RACGAP1: variants seen among roughly 807,000 people sequenced by gnomAD.
RACGAP1 encodes Rac GTPase activating protein 1.
In RACGAP1, 30 loss-of-function variants were observed where a neutral mutation model predicts 78.1. The ratio of observed to expected loss-of-function variants is 0.38; its 90% CI spans 0.29 to 0.52. RACGAP1 has a LOEUF of 0.52. RACGAP1 is among the 20% of genes least tolerant of loss of function. The pLI, the probability that RACGAP1 is intolerant of heterozygous loss-of-function variation, is 0.82. For synonymous variants in RACGAP1, 231 were observed against 264.8 expected (o/e 0.87, Z 1.24); for missense variants, 587 against 777.1 (o/e 0.76, Z 2.91).
chr12:49,990,655 T>C, intron 16 of RACGAP1, 29 bp downstream of exon 16: 1 of 1,522,124 alleles, frequency 6.6e-7, no homozygotes. Context: ...AGTTGTTTTT[T>C]ATTTCCTAGG....
chr12:50,027,265 A>G (rs755859850), upstream of RACGAP1, among the ~76,000 whole-genome samples: 27 of 152,326 alleles, frequency 1.8e-4, no homozygotes, highest in Non-Finnish European at 3.8e-4. Context: ...GGTCAGGAGC[A>G]TTCATTGATT....
chr12:50,004,115 A>T (rs1948835394), intron 5 of RACGAP1, 120 bp downstream of exon 5: 1 of 1,379,288 alleles, frequency 7.3e-7, no homozygotes, highest in African/African-American at 1.4e-5. Context: ...CTCAGAATCT[A>T]TAACACATCA....
At chr12:50,031,646 C>T (rs972804874) in intron 2 of RACGAP1, 22 of 976,412 alleles carry the variant, frequency 2.3e-5, no homozygotes, top group South Asian at 4.8e-5. Flanking sequence ...CAGCACTCTC[C>T]GGAACTTCCC....
Position 50,008,312 on chromosome 12 carries a change from C to T in RACGAP1, c.86-1676G>A, listed in dbSNP as rs147203334. 2.7e-3 allele frequency among the ~76,000 whole-genome samples: 403 copies of T among 151,820 alleles called. 3 individuals carry two copies. The highest frequency in any genetic ancestry group is 4.9e-3 in the Non-Finnish European group (333 of 67,972). ...CTCCCAGGTTCAAGCAATTCTCCTG[C>T]CTCAGCCTCCTGAGTAGCTGGGATT... On this transcript the variant is annotated intron_variant, in intron 2 of 16. Transcript: ENST00000312377.
At chr12:49,998,085 A>G (rs1268589467) in intron 9 of RACGAP1, among the ~76,000 whole-genome samples, 2 of 152,188 alleles carry the variant, frequency 1.3e-5, no homozygotes, top group African/African-American at 4.8e-5. Context: ...GATAGTGGAA[A>G]GAACTTGTTT....
At position 50,017,750 on chromosome 12, in the gene RACGAP1, A is replaced by G. The variant is rs774407889; in HGVS notation, c.-4-1031T>C. On this transcript the variant is annotated intron_variant, in intron 1 of 16. Transcript: ENST00000312377. ...TCTAGTCCAGGTCCTTATTTCCTAA[A>G]TAAAATTTTAAGAACTCTTATGAAG... 1.4e-4 allele frequency among the ~76,000 whole-genome samples: 21 copies of G among 152,242 alleles called. 1 individual carries two copies. The highest frequency in any genetic ancestry group is 2.1e-4 in the South Asian group (1 of 4,832).
intron 2 of RACGAP1, among the ~76,000 whole-genome samples, chr12:50,007,090 T>C (rs1478513980): frequency 2.0e-5 from 3 of 152,202 alleles, no homozygotes; most frequent in Non-Finnish European, 4.4e-5. Flanking sequence ...GTAACTGCTG[T>C]AATATGCTCC....
At position 50,031,616 on chromosome 12, in the gene RACGAP1, C is replaced by G. The variant is rs188487066; in HGVS notation, c.-24+81G>C. On this transcript the variant is annotated intron_variant, in intron 2 of 3. Coordinates refer to the RACGAP1 transcript ENST00000548247. ...CCTGGCTACCATTTCCACCTGGGGC[C>G]TTCAACCTTCCCTGTGCGCCAGCAC... The G allele has an allele frequency of 4.3e-6, 4 of 921,154 alleles. No individual in the cohort carries two copies. In the African/African-American group the frequency reaches 5.4e-5, roughly 12 times the overall value. The allele number at this position is 921,154 out of a possible 1,614,324, so 57.1% of individuals were successfully genotyped here. A position where few individuals can be genotyped will look rare whatever the true frequency, so the allele number is the denominator to read the frequency against.
At chr12:50,012,663 G>A (rs1455527058) in intron 2 of RACGAP1, among the ~76,000 whole-genome samples, 1 of 152,130 alleles carries the variant, frequency 6.6e-6, no homozygotes, top group Admixed American at 6.5e-5. Context: ...GGAGGCTGGG[G>A]CAGGAAAATT....
In RACGAP1 at chr12:49,999,265, A is replaced by G; in HGVS notation, c.755T>C (p.Leu252Ser). ...GGTGGAGTCACTGTTCCAAGGTTGT[A>G]AAGTACCTAGAAAACAAGCAACTTT... ...WTRSRRKTGT[L>S]QPWNSDSTLN... is the part of the protein sequence containing the mutation. The change falls in exon 9 of 17, where the codon TTA (leucine) becomes TCA (serine). Residue 252 changes from leucine to serine, a missense_variant. Physicochemically the swap from Leu to Ser is moderately radical, Grantham distance 145. Transcript: ENST00000312377. The G allele has an allele frequency of 6.2e-7, 1 of 1,602,618 alleles. No individual in the cohort carries two copies. The highest frequency in any genetic ancestry group is 8.5e-7 in the Non-Finnish European group (1 of 1,177,306).
Position 50,012,641 on chromosome 12 carries a change from C to T in RACGAP1, c.85+3990G>A, listed in dbSNP as rs1949417970. On this transcript the variant is annotated intron_variant, in intron 2 of 16. Transcript: ENST00000312377. ...AGGAATGGTGGCAGACACCTGAAATCCCAGCTACTCAGGAGGCTGGGGCAG... is the reference window on the plus strand; with the variant it reads ...AGGAATGGTGGCAGACACCTGAAATTCCAGCTACTCAGGAGGCTGGGGCAG... 2.0e-5 allele frequency among the ~76,000 whole-genome samples: 3 copies of T among 152,034 alleles called. No individual in the cohort carries two copies. In the South Asian group the frequency reaches 6.2e-4, roughly 32 times the overall value.
At chr12:49,992,154 T>C in intron 14 of RACGAP1, 21 bp from the exon 15 acceptor site, 1 of 1,612,798 alleles carries the variant, frequency 6.2e-7, no homozygotes, top group Admixed American at 1.7e-5. Context: ...GCAAATCTGT[T>C]AGCAAACTTC....
chr12:50,029,523 G>A (rs1950312469), upstream of RACGAP1, among the ~76,000 whole-genome samples: 1 of 152,084 alleles, frequency 6.6e-6, no homozygotes, highest in Non-Finnish European at 1.5e-5. Flanking sequence ...GCAGTGAACC[G>A]AGATTGTGCC....
intron 5 of RACGAP1, 124 bp downstream of exon 5, chr12:50,004,111 A>G: frequency 7.3e-7 from 1 of 1,372,450 alleles, no homozygotes; most frequent in Non-Finnish European, 9.6e-7. Context: ...CTAGCTCAGA[A>G]TCTATAACAC....
chr12:50,013,581 G>GCATCCAC (rs1303433337), intron 2 of RACGAP1, among the ~76,000 whole-genome samples: 2 of 152,148 alleles, frequency 1.3e-5, no homozygotes, highest in Non-Finnish European at 1.5e-5. Flanking sequence ...CAGTGTACCA[G>GCATCCAC]CATCCACCTC....
chr12:50,020,378 T>C (rs1949941830), intron 1 of RACGAP1, among the ~76,000 whole-genome samples: 1 of 151,962 alleles, frequency 6.6e-6, no homozygotes, highest in South Asian at 2.1e-4. Context: ...GAGATGGAGT[T>C]TCACCAAGTT....
At chr12:49,996,961 T>C in intron 10 of RACGAP1, 79 bp downstream of exon 10, 1 of 1,383,892 alleles carries the variant, frequency 7.2e-7, no homozygotes, top group Non-Finnish European at 9.4e-7. Context: ...ATGATTAATT[T>C]TAGAACAAAA....
chr12:50,002,733 T>G (rs1948755770), intron 5 of RACGAP1: 1 of 153,542 alleles, frequency 6.5e-6, no homozygotes, highest in Non-Finnish European at 1.5e-5. Flanking sequence ...ACTTCACAAG[T>G]TCCACAGTTG....
At chr12:50,002,335 T>A (rs1351432423) in intron 5 of RACGAP1, 35 bp from the exon 6 acceptor site, 2 of 1,579,902 alleles carry the variant, frequency 1.3e-6, no homozygotes, top group Admixed American at 3.4e-5. Flanking sequence ...TTTCTTTTTT[T>A]GGTTAGGCCA....
Sources: allele counts gnomAD v4.1 joint callset (sites outside exome capture counted in the v4.1 genomes callset), GRCh38; gene constraint gnomAD v4.1.1; transcripts MANE v1.5; gene names NCBI Gene and HGNC (gene_info 2026-07-23, HGNC 2026-07-21).